The following NAP1L4 variants were observed in gnomAD, a reference collection of about 807,000 sequenced individuals.
The protein encoded by NAP1L4 is nucleosome assembly protein 1-like 4.
In NAP1L4, 15 loss-of-function variants were observed where a neutral mutation model predicts 58.2. The observed-to-expected ratio is 0.26, with a 90% CI of 0.17 to 0.40. The LOEUF is 0.40. NAP1L4 is among the 10% of genes least tolerant of loss of function. NAP1L4 has a pLI of 1.00. For missense variants in NAP1L4, 384 were observed against 451.1 expected (o/e 0.85, Z 1.35); for synonymous variants, 171 against 155.6 (o/e 1.10, Z -0.74).
chr11:2,971,613 C>T lies in NAP1L4; in HGVS notation c.316-79G>A. On this transcript the variant is annotated intron_variant, in intron 5 of 15. Coordinates refer to ENST00000380542, the MANE Select transcript of NAP1L4 (RefSeq NM_005969.4). The surrounding 1 kb of genome is among the most constrained non-coding windows in gnomAD (Gnocchi z 4.2). ...CAAGAGTTAAATTTATAAATAATGTCTACTAAAAGACTTTGAAAACTGGAT... is the reference window on the plus strand; with the variant it reads ...CAAGAGTTAAATTTATAAATAATGTTTACTAAAAGACTTTGAAAACTGGAT... The T allele has an allele frequency of 1.1e-5, 12 of 1,129,472 alleles. No individual in the cohort carries two copies. Among genetic ancestry groups the T allele is most frequent in the Non-Finnish European group, 1.5e-5 (12 of 786,894 alleles). The allele number at this position is 1,129,472 out of a possible 1,614,324, so 70.0% of individuals were successfully genotyped here.
At chr11:2,974,703 C>T (rs1228313319) in intron 4 of NAP1L4, among the ~76,000 whole-genome samples, 1 of 152,152 alleles carries the variant, frequency 6.6e-6, no homozygotes, top group Non-Finnish European at 1.5e-5. Flanking sequence ...GGAGATCAGC[C>T]TGGCCAACAT....
At chr11:2,966,700 G>A (rs1472613333) in intron 7 of NAP1L4, among the ~76,000 whole-genome samples, 1 of 152,182 alleles carries the variant, frequency 6.6e-6, no homozygotes, top group African/African-American at 2.4e-5. Context: ...CTCCAATGCT[G>A]CGCGTGCCAC....
intron 10 of NAP1L4, among the ~76,000 whole-genome samples, chr11:2,956,163 G>A (rs1448007707): frequency 6.6e-6 from 1 of 152,158 alleles, no homozygotes; most frequent in Non-Finnish European, 1.5e-5. Context: ...GATGGTGCAG[G>A]AAAGAGAAAG....
rs144655974 is a variant in NAP1L4, at chr11:2,986,311, T to C, written c.-18+5943A>G. On this transcript the variant is annotated intron_variant, in intron 1 of 15. Coordinates refer to ENST00000380542, the MANE Select transcript of NAP1L4 (RefSeq NM_005969.4). The stretch of plus-strand genomic sequence containing the variant: ...ACTGCTTGAACCTGGGGGGCGGAGG[T>C]TGTAGTGAGCCAAGATTGCCCCACT... Among the ~76,000 whole-genome samples, 1,291 of 150,782 alleles carry C rather than the reference T, an allele frequency of 8.6e-3. 17 individuals are homozygous for C. The highest frequency in any genetic ancestry group is 0.03 in the African/African-American group (1,242 of 40,960).
intron 1 of NAP1L4, among the ~76,000 whole-genome samples, chr11:2,988,520 A>T (rs186290304): frequency 1.2e-4 from 19 of 152,380 alleles, no homozygotes; most frequent in Non-Finnish European, 2.5e-4. Context: ...GAAGATGCTC[A>T]TGAATAAGTA....
At chr11:2,969,305 T>G (rs898281742) in intron 7 of NAP1L4, among the ~76,000 whole-genome samples, 1 of 152,012 alleles carries the variant, frequency 6.6e-6, no homozygotes, top group African/African-American at 2.4e-5. Context: ...AGACACTTTT[T>G]CAAGAGAAAT....
At position 2,949,282 on chromosome 11, in the gene NAP1L4, T is replaced by A. The variant is rs780096917; in HGVS notation, c.1123-18A>T. ...AATTACACCTAAATGGGGAAAAAAATTGAAAGGAACTGTCAGCATGAAAGA... is the reference window on the plus strand; with the variant it reads ...AATTACACCTAAATGGGGAAAAAAAATGAAAGGAACTGTCAGCATGAAAGA... On this transcript the variant is annotated intron_variant, in intron 14 of 15. Transcript: ENST00000380542. The surrounding 1 kb of genome is among the most constrained non-coding windows in gnomAD (Gnocchi z 4.0). 4 of 1,584,604 alleles carry A rather than the reference T, an allele frequency of 2.5e-6. No homozygotes were observed. The highest frequency in any genetic ancestry group is 1.3e-5 in the African/African-American group (1 of 74,162).
At chr11:2,967,551 C>T (rs1385994917) in intron 7 of NAP1L4, among the ~76,000 whole-genome samples, 1 of 147,824 alleles carries the variant, frequency 6.8e-6, no homozygotes, top group Non-Finnish European at 1.5e-5. Flanking sequence ...GTGGAGCTTA[C>T]AGTGAGCCAA....
At chr11:2,988,704 C>T (rs899197035) in intron 1 of NAP1L4, among the ~76,000 whole-genome samples, 18 of 152,134 alleles carry the variant, frequency 1.2e-4, no homozygotes, top group African/African-American at 4.1e-4. Flanking sequence ...TAATGCACAG[C>T]GCATTTTTAA....
chr11:2,965,873 G>C (rs1351036727), intron 7 of NAP1L4, among the ~76,000 whole-genome samples: 1 of 152,234 alleles, frequency 6.6e-6, no homozygotes, highest in African/African-American at 2.4e-5. Flanking sequence ...GAGCGTGTCT[G>C]AGATCCAACT....
chr11:2,964,266 G>A (rs1274687874), intron 8 of NAP1L4, among the ~76,000 whole-genome samples: 1 of 152,122 alleles, frequency 6.6e-6, no homozygotes, highest in Non-Finnish European at 1.5e-5. Context: ...GGAAAAGAAT[G>A]GTATCATCTC....
At position 2,951,749 on chromosome 11, in the gene NAP1L4, G is replaced by GT. The variant is rs952258147; in HGVS notation, c.1065+30dup. ...AAGCCAAAGAAACAACTTCAGGGAGGTAAGTGGCACTGCATAAACCTGTCT... is the reference window on the plus strand; with the variant it reads ...AAGCCAAAGAAACAACTTCAGGGAGGTTAAGTGGCACTGCATAAACCTGTCT... On this transcript the variant is annotated intron_variant, in intron 13 of 15. Transcript: ENST00000380542. The surrounding 1 kb of genome is among the most constrained non-coding windows in gnomAD (Gnocchi z 4.0). The GT allele has an allele frequency of 3.7e-6, 6 of 1,611,182 alleles. No individual in the cohort carries two copies. Among genetic ancestry groups the GT allele is most frequent in the African/African-American group, 2.7e-5 (2 of 74,850 alleles).
chr11:2,951,937 C>A lies in NAP1L4; in HGVS notation c.1036-128G>T. On this transcript the variant is annotated intron_variant, in intron 12 of 15. Transcript: ENST00000380542. This position sits in a 1 kb window ranked among gnomAD's most constrained non-coding sequence, Gnocchi z 4.0. ...GCAGAAAGTCCAGCCACGCTGCCTGCTGGGCCTCGCTTGCCTGAGGAGCCA... is the reference window on the plus strand; with the variant it reads ...GCAGAAAGTCCAGCCACGCTGCCTGATGGGCCTCGCTTGCCTGAGGAGCCA... 2 of 845,092 alleles carry A rather than the reference C, an allele frequency of 2.4e-6. No individual in the cohort carries two copies. The highest frequency in any genetic ancestry group is 2.8e-5 in the South Asian group (2 of 70,448). The allele number at this position is 845,092 out of a possible 1,614,324, so 52.3% of individuals were successfully genotyped here.
intron 1 of NAP1L4, among the ~76,000 whole-genome samples, chr11:2,986,777 C>T (rs1170733419): frequency 7.8e-6 from 1 of 128,636 alleles, no homozygotes; most frequent in African/African-American, 3.1e-5. Flanking sequence ...ACCACCATGC[C>T]CAGCTAATTT....
In NAP1L4 at chr11:2,955,691, T is replaced by C; in HGVS notation, c.915+53A>G. 6.4e-7 allele frequency: 1 copy of C among 1,566,138 alleles called. No individual in the cohort carries two copies. The highest frequency in any genetic ancestry group is 8.8e-7 in the Non-Finnish European group (1 of 1,140,766). On this transcript the variant is annotated intron_variant, in intron 11 of 15. Coordinates refer to ENST00000380542, the MANE Select transcript of NAP1L4 (RefSeq NM_005969.4). This position sits in a 1 kb window ranked among gnomAD's most constrained non-coding sequence, Gnocchi z 4.2. ...TTTTAACAAGTAGACAAGTAGACAT[T>C]CACTCAGGAGAGACTTCAACAGGAA...
chr11:2,973,386 T>C (rs193194722), intron 4 of NAP1L4, among the ~76,000 whole-genome samples: 54 of 152,360 alleles, frequency 3.5e-4, no homozygotes, highest in African/African-American at 1.1e-3. Flanking sequence ...GGCCTCATCA[T>C]AGACCCAAAT....
chr11:2,986,919 G>A (rs371540770), intron 1 of NAP1L4, among the ~76,000 whole-genome samples: 86 of 36,334 alleles, frequency 2.4e-3, no homozygotes, highest in African/African-American at 0.012. Context: ...ATGAGCCACC[G>A]CACTCTAAGA....
chr11:2,975,999 G>A, intron 4 of NAP1L4, 25 bp downstream of exon 4: 1 of 1,570,462 alleles, frequency 6.4e-7, no homozygotes, highest in Non-Finnish European at 8.7e-7. Flanking sequence ...CAAATTGCAT[G>A]AGACCCTATT....
intron 1 of NAP1L4, chr11:2,991,119 C>T (rs936940005): frequency 2.0e-5 from 9 of 456,406 alleles, no homozygotes; most frequent in Admixed American, 4.7e-5. Context: ...GGCGGACCTT[C>T]CTGCCAGAGG....
Sources: allele counts gnomAD v4.1 joint callset (sites outside exome capture counted in the v4.1 genomes callset), GRCh38; gene constraint gnomAD v4.1.1; non-coding constraint Gnocchi (gnomAD v3.1); transcripts MANE v1.5; gene names NCBI Gene and HGNC (gene_info 2026-07-23, HGNC 2026-07-21).